COL16A1: variants seen among roughly 807,000 people sequenced by gnomAD.
COL16A1 encodes the protein collagen alpha-1(XVI) chain.
A neutral mutation model predicts 266.3 loss-of-function variants in COL16A1; 189 were observed. The observed-to-expected ratio is 0.71, with a 90% CI of 0.63 to 0.80. COL16A1 has a LOEUF of 0.80. COL16A1 is among the 30% of genes least tolerant of loss of function. The pLI is 0.00. For missense variants in COL16A1, 1,928 were observed against 2,122.4 expected, an observed-to-expected ratio of 0.91 and a Z score of 1.80; for synonymous variants, 740 against 782.3, an observed-to-expected ratio of 0.95 and a Z score of 0.90.
In COL16A1 at chr1:31,692,969, C is replaced by A. The variant is rs567304607; in HGVS notation, c.1071+123G>T. The A allele has an allele frequency of 3.3e-5, 31 of 940,560 alleles. No individual in the cohort carries two copies. The African/African-American group carries it at 4.2e-4, about 13-fold the overall frequency. The allele number at this position is 940,560 out of a possible 1,614,324, so 58.3% of individuals were successfully genotyped here. ...TAGAAAGACCCTGGCCCTCACCCCC[C>A]TCCCGTGATCTGGGCCAAGCTGCAG... is the stretch of plus-strand genomic sequence containing the variant. On this transcript the variant is annotated intron_variant, in intron 13 of 70. Transcript: ENST00000373672.
chr1:31,699,578 C>G (rs911677512), intron 4 of COL16A1, among the ~76,000 whole-genome samples: 3 of 152,204 alleles, frequency 2.0e-5, no homozygotes, highest in African/African-American at 7.2e-5. Flanking sequence ...AGGATGCAGA[C>G]CTGTTCCCAC....
chr1:31,660,302 C>G, intron 62 of COL16A1: 2 of 360,076 alleles, frequency 5.6e-6, no homozygotes, highest in Non-Finnish European at 1.0e-5. Context: ...TCCCCAACCC[C>G]AATCCAGCTC....
Position 31,670,699 on chromosome 1 carries a change from A to G in COL16A1, c.3151-53T>C, listed in dbSNP as rs1255950433. The G allele has an allele frequency of 7.2e-7, 1 of 1,388,336 alleles. No individual in the cohort carries two copies. Among genetic ancestry groups the G allele is most frequent in the Non-Finnish European group, 9.4e-7 (1 of 1,062,770 alleles). The allele number at this position is 1,388,336 out of a possible 1,614,324, so 86.0% of individuals were successfully genotyped here. The stretch of plus-strand genomic sequence containing the variant: ...CTCACAGGCACAGTAACCCTGGGAC[A>G]GCCTGGAGGGCACAGTCTGGGGCTT... On this transcript the variant is annotated intron_variant, in intron 48 of 70. Coordinates refer to ENST00000373672, the MANE Select transcript of COL16A1 (RefSeq NM_001856.4). This position sits in a 1 kb window ranked among gnomAD's most constrained non-coding sequence, Gnocchi z 4.5.
chr1:31,698,503 C>T lies in COL16A1; in HGVS notation c.370G>A (p.Asp124Asn), dbSNP rs750697651. 3.1e-6 allele frequency: 5 copies of T among 1,613,982 alleles called. No homozygotes were observed. Among genetic ancestry groups the T allele is most frequent in the East Asian group, 2.2e-5 (1 of 44,876 alleles). Reference sequence around the variant, plus strand: ...TTCACCTGTGGATACCCATTTGCATCGGTCACTTGAAACAGATACCACGTC... The same window carrying T: ...TTCACCTGTGGATACCCATTTGCATTGGTCACTTGAAACAGATACCACGTC... ...QKTWYLFQVT[D>N]ANGYPQISLE... Residue 124 changes from aspartate (D) to asparagine (N), a missense_variant, in exon 5 of 71, where the codon GAT becomes AAT. Asp to Asn is a conservative substitution (Grantham distance 23). This residue lies in a region of COL16A1 where 1,552 missense variants were observed against 1,637.2 expected (regional missense o/e 0.95). Coordinates refer to ENST00000373672, the MANE Select transcript of COL16A1 (RefSeq NM_001856.4). The surrounding 1 kb of genome is among the most constrained non-coding windows in gnomAD (Gnocchi z 4.1).
intron 42 of COL16A1, chr1:31,679,246 T>C: frequency 1.5e-6 from 1 of 658,062 alleles, no homozygotes; most frequent in Non-Finnish European, 2.5e-6. Context: ...TTTTAGCCAC[T>C]ACTGTATTCA....
intron 60 of COL16A1, 99 bp downstream of exon 60, chr1:31,661,315 G>A: frequency 1.3e-6 from 2 of 1,587,976 alleles, no homozygotes; most frequent in Non-Finnish European, 1.7e-6. Flanking sequence ...TCTGATGCTG[G>A]GATGGCCTCT....
At position 31,668,061 on chromosome 1, in the gene COL16A1, A is replaced by T; in HGVS notation, c.3303+104T>A. 2 of 979,272 alleles carry T rather than the reference A, an allele frequency of 2.0e-6. No individual in the cohort carries two copies. The highest frequency in any genetic ancestry group is 3.1e-6 in the Non-Finnish European group (2 of 642,506). 60.7% of individuals were successfully genotyped at this position (979,272 alleles called of 1,614,324 possible). The stretch of plus-strand genomic sequence containing the variant: ...AAAGGAGGAGGCTGAAATGCCCGGT[A>T]ATGGGGAGCCCGCCGAGGGTTGCCC... On this transcript the variant is annotated intron_variant, in intron 51 of 70. Transcript: ENST00000373672. This position sits in a 1 kb window ranked among gnomAD's most constrained non-coding sequence, Gnocchi z 5.8.
chr1:31,690,864 C>T (rs374967978), intron 20 of COL16A1, among the ~76,000 whole-genome samples: 16 of 152,322 alleles, frequency 1.1e-4, no homozygotes, highest in Middle Eastern at 3.4e-3. Flanking sequence ...ATTTCCAGAG[C>T]TTTCTGCACA....
chr1:31,694,297 C>A, intron 11 of COL16A1, 127 bp from the exon 12 acceptor site: 2 of 667,072 alleles, frequency 3.0e-6, no homozygotes, highest in South Asian at 5.2e-5. Context: ...TATCCCAGCC[C>A]CTGCTCTGCT....
In COL16A1 at chr1:31,656,448, G is replaced by C; in HGVS notation, c.4057-4C>G. ...ATCCCTGCTTTCCAGGGGGTCCCTA[G>C]AGGAAAGCAAAAGTCAGAGGTGAAG... On this transcript the variant is annotated splice_region_variant and splice_polypyrimidine_tract_variant and intron_variant, in intron 65 of 70. Coordinates refer to ENST00000373672, the MANE Select transcript of COL16A1 (RefSeq NM_001856.4). This position sits in a 1 kb window ranked among gnomAD's most constrained non-coding sequence, Gnocchi z 4.2. 2 of 1,612,416 alleles carry C rather than the reference G, an allele frequency of 1.2e-6. No individual in the cohort carries two copies. Among genetic ancestry groups the C allele is most frequent in the Non-Finnish European group, 1.7e-6 (2 of 1,179,434 alleles).
intron 49 of COL16A1, among the ~76,000 whole-genome samples, chr1:31,669,174 A>G (rs961958456): frequency 1.3e-5 from 2 of 152,048 alleles, no homozygotes; most frequent in Non-Finnish European, 2.9e-5. Flanking sequence ...CTGCCATGGT[A>G]ACTGACTGGC....
chr1:31,696,281 C>T (rs868581130), intron 8 of COL16A1, 140 bp from the exon 9 acceptor site: 5 of 656,038 alleles, frequency 7.6e-6, no homozygotes, highest in Middle Eastern at 8.4e-4. Context: ...GCATCAAGGG[C>T]CTGCTCAGGC....
At chr1:31,692,692 C>T (rs1182493019) in intron 14 of COL16A1, 50 bp from the exon 15 acceptor site, 1 of 1,613,364 alleles carries the variant, frequency 6.2e-7, no homozygotes, top group East Asian at 2.2e-5. Flanking sequence ...ACCTGATGGG[C>T]TGCCAAGCGC....
chr1:31,654,226 C>T (rs956865503), intron 68 of COL16A1, among the ~76,000 whole-genome samples, 183 bp from the exon 69 acceptor site: 3 of 152,190 alleles, frequency 2.0e-5, no homozygotes, highest in African/African-American at 4.8e-5. Context: ...GCCTCCACGT[C>T]GCTCCCCATG....
chr1:31,679,851 C>G lies in COL16A1; in HGVS notation c.2671G>C (p.Gly891Arg), dbSNP rs1480141920. 6.6e-7 allele frequency: 1 copy of G among 1,521,168 alleles called. No homozygotes were observed. The highest frequency in any genetic ancestry group is 8.8e-7 in the Non-Finnish European group (1 of 1,135,376). The allele number at this position is 1,521,168 out of a possible 1,614,324, so 94.2% of individuals were successfully genotyped here. A position where few individuals can be genotyped will look rare whatever the true frequency, so the allele number is the denominator to read the frequency against. ...CTGCCCATCCAAAGTCCCGGAGCAC[C>G]CTGGGTGGGAGTGGGGGTCGCAAAA... ...QGDLIFSGMP[G>R]APGLWMGSSW... The change falls in exon 41 of 71, where the codon GGT (glycine) becomes CGT (arginine). Residue 891 changes from glycine to arginine, a missense_variant and splice_region_variant. By Grantham distance (125) the Gly-to-Arg change is moderately radical (BLOSUM62 -2). Coordinates refer to ENST00000373672, the MANE Select transcript of COL16A1 (RefSeq NM_001856.4).
chr1:31,666,506 TC>T lies in COL16A1; in HGVS notation c.3358-426del, dbSNP rs1642157390. The T allele has an allele frequency of 7.6e-5, 18 of 235,628 alleles. No individual in the cohort carries two copies. The South Asian group carries it at 1.1e-3, about 14-fold the overall frequency. 14.6% of individuals were successfully genotyped at this position (235,628 alleles called of 1,614,324 possible). ...CTCTCCTTCTCATCTTCCGCCTTGC[TC>T]AGTCAGACTGCTGTTCTCTGACACA... On this transcript the variant is annotated intron_variant, in intron 52 of 70. Coordinates refer to ENST00000373672, the MANE Select transcript of COL16A1 (RefSeq NM_001856.4).
rs548582482 is a variant in COL16A1, at chr1:31,690,301, C to T, written c.1509+66G>A. ...CCCTAGGCCTAGGGCCCTTGATGCT[C>T]ACTGTCATGTGCAGAAAGGGGGTCC... is the stretch of plus-strand genomic sequence containing the variant. On this transcript the variant is annotated intron_variant, in intron 22 of 70. Transcript: ENST00000373672. The T allele has an allele frequency of 5.6e-6, 9 of 1,607,802 alleles. No individual in the cohort carries two copies. The South Asian group carries it at 8.9e-5, about 16-fold the overall frequency.
intron 16 of COL16A1, 56 bp from the exon 17 acceptor site, chr1:31,692,123 G>A: frequency 1.9e-6 from 3 of 1,611,288 alleles, no homozygotes. Flanking sequence ...GGACAGCTGG[G>A]CAGCTCCATC....
intron 66 of COL16A1, chr1:31,655,852 CTGATTCTGCCA>C (rs1173537717): frequency 9.1e-6 from 3 of 330,750 alleles, no homozygotes; most frequent in Non-Finnish European, 1.7e-5. Context: ...TGATGATTCT[CTGATTCTGCCA>C]TGTTGTTATG....
Sources: allele counts gnomAD v4.1 joint callset (sites outside exome capture counted in the v4.1 genomes callset), GRCh38; gene constraint gnomAD v4.1.1; regional missense constraint gnomAD v4.1.1; non-coding constraint Gnocchi (gnomAD v3.1); transcripts MANE v1.5; gene names NCBI Gene and HGNC (gene_info 2026-07-23, HGNC 2026-07-21).